RBMS3: variants seen among roughly 807,000 people sequenced by gnomAD.
RBMS3 encodes RNA-binding motif, single-stranded-interacting protein 3.
In RBMS3, 27 loss-of-function variants were observed where a neutral mutation model predicts 66.8. The observed-to-expected ratio is 0.40, with a 90% confidence interval of 0.30 to 0.56. The LOEUF is 0.56. Ranked by LOEUF, RBMS3 falls within the 20% of genes least tolerant of loss-of-function variation. The pLI is 0.40. For missense variants in RBMS3, 513 were observed against 549.5 expected (o/e 0.93, Z 0.66); for synonymous variants, 188 against 183.0 (o/e 1.03, Z -0.22).
chr3:29,506,138 G>A (rs1432504156), intron 3 of RBMS3, among the ~76,000 whole-genome samples: 1 of 151,926 alleles, frequency 6.6e-6, no homozygotes, highest in East Asian at 1.9e-4. Context: ...GTAAGAGTGG[G>A]AATCCTTGTC....
chr3:29,888,928 T>A (rs1461236217), intron 8 of RBMS3, among the ~76,000 whole-genome samples: 1 of 151,668 alleles, frequency 6.6e-6, no homozygotes, highest in Admixed American at 6.6e-5. Context: ...CTACCTACAC[T>A]AAGCTTTTTA....
chr3:29,942,219 T>C (rs572425010), intron 11 of RBMS3, among the ~76,000 whole-genome samples: 2 of 151,614 alleles, frequency 1.3e-5, no homozygotes, highest in South Asian at 2.1e-4. Flanking sequence ...AATGTCAAAT[T>C]TGAAAAAATG....
chr3:29,606,425 A>G (rs972369749), intron 4 of RBMS3, among the ~76,000 whole-genome samples: 1 of 151,954 alleles, frequency 6.6e-6, no homozygotes, highest in African/African-American at 2.4e-5. Context: ...GAACATCAAC[A>G]TAAAATTTAC....
chr3:29,636,038 A>ATGTGTG lies in RBMS3; in HGVS notation c.399+48863_399+48868dup, dbSNP rs10565409. Among the ~76,000 whole-genome samples, 63 of 145,348 alleles carry ATGTGTG rather than the reference A, an allele frequency of 4.3e-4. 1 individual carries two copies. The highest frequency in any genetic ancestry group is 6.4e-4 in the Non-Finnish European group (42 of 65,542). ...GAAGGGTCTGATGCTGTCATCAAGA[A>ATGTGTG]TGTGTGTGTGTGTGTGTGTGTGTGT... On this transcript the variant is annotated intron_variant, in intron 4 of 14. Transcript: ENST00000383767.
At chr3:29,793,346 A>AT (rs945723678) in intron 6 of RBMS3, among the ~76,000 whole-genome samples, 7 of 151,674 alleles carry the variant, frequency 4.6e-5, no homozygotes, top group African/African-American at 1.2e-4. Flanking sequence ...GACCGTCATA[A>AT]TTTTTTTTTC....
chr3:29,958,197 T>A lies in RBMS3; in HGVS notation c.1098+13943T>A, dbSNP rs114601053. 1.9e-3 allele frequency among the ~76,000 whole-genome samples: 294 copies of A among 152,118 alleles called. 1 individual carries two copies. Among genetic ancestry groups the A allele is most frequent in the African/African-American group, 6.7e-3 (278 of 41,390 alleles). On this transcript the variant is annotated intron_variant, in intron 12 of 14. Transcript: ENST00000383767. Reference sequence around the variant, plus strand: ...TCTTTCTTTCTCATTTGTTTTGTCCTATTTTTTTCCTGACAGTCTGCAAGA... The same window carrying A: ...TCTTTCTTTCTCATTTGTTTTGTCCAATTTTTTTCCTGACAGTCTGCAAGA...
chr3:29,359,924 G>A (rs111904352), intron 1 of RBMS3, among the ~76,000 whole-genome samples: 10,770 of 151,994 alleles, frequency 0.071, 631 homozygotes, highest in African/African-American at 0.16. Flanking sequence ...GCATCTATTT[G>A]ATTCTTCTCT....
Position 30,005,083 on chromosome 3 carries a change from GT to G in RBMS3, c.*1225del, listed in dbSNP as rs1450839019. ...TATTACAGTCCAGAAGATAGAGGTT[GT>G]TTTCGTTTCTTTTCTTTTTAAAAAA... is the stretch of plus-strand genomic sequence containing the variant. On this transcript the variant is annotated 3_prime_UTR_variant, in exon 15 of 15. Coordinates refer to ENST00000383767, the MANE Select transcript of RBMS3 (RefSeq NM_001003793.3). 1 of 147,486 alleles carries G rather than the reference GT, an allele frequency of 6.8e-6. No homozygotes were observed. Among genetic ancestry groups the G allele is most frequent in the Non-Finnish European group, 1.5e-5 (1 of 66,994 alleles). 9.1% of individuals were successfully genotyped at this position (147,486 alleles called of 1,614,324 possible).
chr3:29,377,673 G>T (rs1032007425), intron 1 of RBMS3, among the ~76,000 whole-genome samples: 1 of 152,076 alleles, frequency 6.6e-6, no homozygotes, highest in African/African-American at 2.4e-5. Flanking sequence ...TGGACCATGT[G>T]TGCCCACCTC....
chr3:29,421,584 T>C (rs1575769762), intron 1 of RBMS3, among the ~76,000 whole-genome samples: 2 of 152,220 alleles, frequency 1.3e-5, no homozygotes, highest in South Asian at 4.1e-4. Context: ...TTAGTACTTT[T>C]ACAACTTTTA....
At chr3:29,284,990 A>G (rs1184219263) in intron 1 of RBMS3, among the ~76,000 whole-genome samples, 1 of 151,024 alleles carries the variant, frequency 6.6e-6, no homozygotes, top group Non-Finnish European at 1.5e-5. Context: ...GGATGAAAAA[A>G]TAGTTTATCA....
At chr3:29,922,493 CAAAAAAAAAAAAA>C (rs68121692) in intron 10 of RBMS3, among the ~76,000 whole-genome samples, 1 of 99,090 alleles carries the variant, frequency 1.0e-5, no homozygotes, top group African/African-American at 3.7e-5. Flanking sequence ...GACTCCGTCT[CAAAAAAAAAAAAA>C]AAAAAAAAGA....
chr3:29,977,105 G>A (rs186754992), intron 12 of RBMS3, among the ~76,000 whole-genome samples: 2 of 151,956 alleles, frequency 1.3e-5, no homozygotes, highest in Non-Finnish European at 2.9e-5. Flanking sequence ...TGACTTTCCG[G>A]GTTTGATGCG....
chr3:29,285,282 G>A (rs1237094295), intron 1 of RBMS3, among the ~76,000 whole-genome samples: 1 of 146,802 alleles, frequency 6.8e-6, no homozygotes, highest in Non-Finnish European at 1.5e-5. Flanking sequence ...GTGGATGGGG[G>A]GTTCTTGAAA....
chr3:29,348,858 C>G (rs1180434449), intron 1 of RBMS3, among the ~76,000 whole-genome samples: 3 of 152,136 alleles, frequency 2.0e-5, no homozygotes, highest in African/African-American at 7.2e-5. Flanking sequence ...AACATTGTGT[C>G]CCATCCTCCA....
At chr3:29,304,238 G>A (rs2033866794) in intron 1 of RBMS3, among the ~76,000 whole-genome samples, 1 of 151,952 alleles carries the variant, frequency 6.6e-6, no homozygotes, top group Admixed American at 6.6e-5. Flanking sequence ...TTTTTCTCTA[G>A]GAGATTAGTT....
intron 1 of RBMS3, among the ~76,000 whole-genome samples, chr3:29,391,627 A>G (rs1380612195): frequency 6.6e-6 from 1 of 152,182 alleles, no homozygotes; most frequent in African/African-American, 2.4e-5. Context: ...TAAATCTGAC[A>G]TCAGGCAACA....
chr3:29,432,436 T>G (rs561788370), intron 1 of RBMS3, among the ~76,000 whole-genome samples: 4 of 152,328 alleles, frequency 2.6e-5, no homozygotes, highest in African/African-American at 9.6e-5. Context: ...TGACCAAATT[T>G]AAAATCCTGG....
In RBMS3 at chr3:29,499,849, C is replaced by T. The variant is rs563567588; in HGVS notation, c.307+11350C>T. On this transcript the variant is annotated intron_variant, in intron 3 of 14. Coordinates refer to ENST00000383767, the MANE Select transcript of RBMS3 (RefSeq NM_001003793.3). ...TCGTCCACAATTCAAACAGCAGCAGCTGAAACAAACGATTTTAGGGAAGCA... is the reference window on the plus strand; with the variant it reads ...TCGTCCACAATTCAAACAGCAGCAGTTGAAACAAACGATTTTAGGGAAGCA... Among the ~76,000 whole-genome samples, 10 of 152,188 alleles carry T rather than the reference C, an allele frequency of 6.6e-5. No individual in the cohort carries two copies. In the South Asian group the frequency reaches 2.1e-3, roughly 32 times the overall value.
Sources: gnomAD v4.1 joint callset for allele counts (sites outside exome capture counted in the v4.1 genomes callset) on GRCh38, gnomAD v4.1.1 for gene constraint, MANE v1.5 for transcripts, NCBI Gene and HGNC (gene_info 2026-07-23, HGNC 2026-07-21) for gene names.